Variants in CRCP observed in about 807,000 individuals in gnomAD.
CRCP encodes the protein CGRP receptor component.
A neutral mutation model predicts 18.5 loss-of-function variants in CRCP; 18 were observed. The observed-to-expected ratio is 0.97, with a 90% CI of 0.67 to 1.44. The LOEUF (loss-of-function observed/expected upper bound fraction) is 1.44, where lower values mean the gene tolerates loss of function less well. CRCP is among the 40% of genes most tolerant of loss of function. The pLI is 0.00. For missense variants in CRCP, 130 were observed against 176.4 expected, an observed-to-expected ratio of 0.74 and a Z score of 1.49; for synonymous variants, 53 against 62.9, an observed-to-expected ratio of 0.84 and a Z score of 0.75.
At chr7:66,132,513 T>C (rs1004294154) in intron 3 of CRCP, among the ~76,000 whole-genome samples, 1 of 152,190 alleles carries the variant, frequency 6.6e-6, no homozygotes, top group Non-Finnish European at 1.5e-5. Flanking sequence ...GGGTACATGA[T>C]ATTGATGTTT....
At chr7:66,121,353 A>G (rs1334343161) in intron 1 of CRCP, among the ~76,000 whole-genome samples, 1 of 151,936 alleles carries the variant, frequency 6.6e-6, no homozygotes, top group Non-Finnish European at 1.5e-5. Context: ...GCTGGCCCAG[A>G]AATTTATTTA....
At chr7:66,125,853 G>C (rs967541761) in intron 1 of CRCP, among the ~76,000 whole-genome samples, 1 of 149,222 alleles carries the variant, frequency 6.7e-6, no homozygotes, top group Non-Finnish European at 1.5e-5. Flanking sequence ...ATTCCAGGAA[G>C]GGATGTTTTA....
intron 4 of CRCP, among the ~76,000 whole-genome samples, chr7:66,144,187 A>G (rs1788221754): frequency 6.6e-6 from 1 of 152,306 alleles, no homozygotes; most frequent in South Asian, 2.1e-4. Flanking sequence ...CAGAGTCCAC[A>G]TGATTCAGCC....
chr7:66,144,227 T>C (rs1389388924), intron 4 of CRCP, among the ~76,000 whole-genome samples: 3 of 152,192 alleles, frequency 2.0e-5, no homozygotes, highest in Non-Finnish European at 4.4e-5. Flanking sequence ...GTTTCTTTCT[T>C]TGAGGCAGAT....
At chr7:66,131,905 G>A (rs1369671092) in intron 3 of CRCP, among the ~76,000 whole-genome samples, 1 of 151,898 alleles carries the variant, frequency 6.6e-6, no homozygotes, top group Non-Finnish European at 1.5e-5. Context: ...GGGATTACAG[G>A]CATGCACCAC....
At chr7:66,145,906 A>G (rs1381470362) in intron 5 of CRCP, among the ~76,000 whole-genome samples, 2 of 152,138 alleles carry the variant, frequency 1.3e-5, no homozygotes, top group Non-Finnish European at 2.9e-5. Context: ...TGAGGGGAGC[A>G]TGTGTGCGCT....
intron 5 of CRCP, among the ~76,000 whole-genome samples, chr7:66,147,125 T>G (rs1258284754): frequency 6.6e-6 from 1 of 152,120 alleles, no homozygotes; most frequent in East Asian, 1.9e-4. Flanking sequence ...GCAGATCACC[T>G]GAGGTCAGGA....
chr7:66,150,356 AGGG>A (rs1554334966), intron 5 of CRCP, among the ~76,000 whole-genome samples: 112 of 151,510 alleles, frequency 7.4e-4, no homozygotes, highest in Middle Eastern at 3.4e-3. Flanking sequence ...ACAAGAGTGA[AGGG>A]GGGGAGTTGA....
At chr7:66,150,583 T>C (rs1190136206) in intron 5 of CRCP, 1 of 152,054 alleles carries the variant, frequency 6.6e-6, no homozygotes, top group Non-Finnish European at 1.5e-5. Flanking sequence ...GAGTTCGTGG[T>C]GTGACCTTGG....
chr7:66,142,787 G>A (rs1369662797), intron 4 of CRCP, among the ~76,000 whole-genome samples: 2 of 152,092 alleles, frequency 1.3e-5, no homozygotes, highest in African/African-American at 2.4e-5. Flanking sequence ...GTGAGCCACC[G>A]TGCCTGGCTT....
chr7:66,130,682 G>T lies in CRCP; in HGVS notation c.46-62G>T. 4 of 966,260 alleles carry T rather than the reference G, an allele frequency of 4.1e-6. No individual in the cohort carries two copies. The South Asian group carries it at 5.8e-5, about 14-fold the overall frequency. The allele number at this position is 966,260 out of a possible 1,614,324, so 59.9% of individuals were successfully genotyped here. On this transcript the variant is annotated intron_variant, in intron 2 of 5. Transcript: ENST00000395326. ...TTCCTGTTTATCCTTCAAAACCACT[G>T]ACCTTGGATAGATATATTTCTCAAA...
chr7:66,128,114 C>G (rs77588679), intron 2 of CRCP, among the ~76,000 whole-genome samples: 2 of 130,502 alleles, frequency 1.5e-5, no homozygotes, highest in African/African-American at 5.8e-5. Flanking sequence ...GGCTCTGTCT[C>G]AAAAAAAAAA....
intron 4 of CRCP, among the ~76,000 whole-genome samples, chr7:66,139,450 A>T (rs900956731): frequency 1.3e-5 from 2 of 152,208 alleles, no homozygotes; most frequent in African/African-American, 4.8e-5. Context: ...TTAACATGTC[A>T]TCATGGGCTT....
chr7:66,138,346 TTGGGCATCATTGTGAGACTCCATC>T (rs1278149820), intron 4 of CRCP, among the ~76,000 whole-genome samples: 4 of 151,916 alleles, frequency 2.6e-5, no homozygotes, highest in African/African-American at 9.7e-5. Flanking sequence ...TGAGACCAGC[TTGGGCATCATTGTGAGACTCCATC>T]TCTATATTTT....
chr7:66,126,791 C>T (rs1053451349), intron 1 of CRCP: 1 of 306,328 alleles, frequency 3.3e-6, no homozygotes, highest in African/African-American at 2.2e-5. Context: ...TGAGCACTTA[C>T]TATGTTCCAA....
chr7:66,152,157 A>G (rs775110545), intron 5 of CRCP, 51 bp from the exon 6 acceptor site: 2 of 1,608,686 alleles, frequency 1.2e-6, no homozygotes, highest in East Asian at 2.2e-5. Context: ...AGGGCTGCCC[A>G]AGGCTGTAAG....
At chr7:66,135,362 G>GTTTTAC (rs1476648702) in intron 4 of CRCP, among the ~76,000 whole-genome samples, 2 of 152,094 alleles carry the variant, frequency 1.3e-5, no homozygotes, top group Non-Finnish European at 2.9e-5. Context: ...CAAAATATTA[G>GTTTTAC]TAAAATAAGT....
rs1788265338 is a variant in CRCP, at chr7:66,145,438, C to T, written c.240-5C>T. ...AGTTGTCAACGCTGTACTTTCCCTCCACAGAGCTGAGAAGCTCCAGCTGCT... is the reference window on the plus strand; with the variant it reads ...AGTTGTCAACGCTGTACTTTCCCTCTACAGAGCTGAGAAGCTCCAGCTGCT... On this transcript the variant is annotated splice_region_variant and splice_polypyrimidine_tract_variant and intron_variant, in intron 4 of 5. Transcript: ENST00000395326. 3.1e-6 allele frequency: 5 copies of T among 1,613,784 alleles called. No homozygotes were observed. The East Asian group carries it at 1.1e-4, about 36-fold the overall frequency.
chr7:66,127,586 TGTA>T (rs981734064), intron 1 of CRCP, 115 bp from the exon 2 acceptor site: 49 of 1,110,030 alleles, frequency 4.4e-5, no homozygotes, highest in Non-Finnish European at 6.3e-5. Context: ...AATTTTAGGT[TGTA>T]GTCCCTAAAT....
Sources: allele counts gnomAD v4.1 joint callset (sites outside exome capture counted in the v4.1 genomes callset), GRCh38; gene constraint gnomAD v4.1.1; transcripts MANE v1.5; gene names NCBI Gene and HGNC (gene_info 2026-07-23, HGNC 2026-07-21).